Variants in KIAA1217 observed in about 807,000 individuals in gnomAD.
KIAA1217 encodes the protein KIAA1217.
A neutral mutation model predicts 163.9 loss-of-function variants in KIAA1217; 88 were observed. That is an observed-to-expected ratio of 0.54 (90% confidence interval 0.45 to 0.64). The LOEUF (loss-of-function observed/expected upper bound fraction) is 0.64. Among genes scored for constraint, KIAA1217 ranks in the 30% least tolerant of loss-of-function variants. The probability of loss-of-function intolerance (pLI) is 0.00; values close to 1 mark genes in which losing one functional copy is unlikely to be tolerated. For synonymous variants in KIAA1217, 903 were observed against 923.1 expected (o/e 0.98, Z 0.39); for missense variants, 2,372 against 2,475.0 (o/e 0.96, Z 0.88).
At chr10:24,262,487 C>A (rs1355707114) in intron 2 of KIAA1217, among the ~76,000 whole-genome samples, 3 of 151,980 alleles carry the variant, frequency 2.0e-5, no homozygotes, top group African/African-American at 7.2e-5. Flanking sequence ...ATTAGCCGGG[C>A]GAGGTGGCGG....
intron 3 of KIAA1217, 87 bp downstream of exon 3, chr10:24,381,154 C>A: frequency 1.0e-6 from 1 of 987,332 alleles, no homozygotes; most frequent in Non-Finnish European, 1.4e-6. Flanking sequence ...TTTCATTCAA[C>A]ATTAATTTGA....
chr10:24,386,484 AG>A (rs2054019751), intron 3 of KIAA1217, among the ~76,000 whole-genome samples: 1 of 152,226 alleles, frequency 6.6e-6, no homozygotes, highest in Non-Finnish European at 1.5e-5. Context: ...GAAAACAAAG[AG>A]GGGGCAACAA....
chr10:24,409,363 A>G (rs1200825499), intron 3 of KIAA1217, among the ~76,000 whole-genome samples: 1 of 152,238 alleles, frequency 6.6e-6, no homozygotes, highest in Non-Finnish European at 1.5e-5. Context: ...CCAAAAGAGT[A>G]TATACTGTCT....
intron 1 of KIAA1217, among the ~76,000 whole-genome samples, chr10:23,794,343 G>T (rs560652635): frequency 6.6e-6 from 1 of 152,242 alleles, no homozygotes. Flanking sequence ...TAATAACTTG[G>T]CTTGTGAGAT....
chr10:23,944,413 G>C (rs1367029904), intron 1 of KIAA1217, among the ~76,000 whole-genome samples: 1 of 151,720 alleles, frequency 6.6e-6, no homozygotes, highest in African/African-American at 2.4e-5. Context: ...AAAAGAGTGA[G>C]ACCCTGTCTC....
At chr10:24,469,538 G>A (rs1418231262) in intron 5 of KIAA1217, among the ~76,000 whole-genome samples, 1 of 152,170 alleles carries the variant, frequency 6.6e-6, no homozygotes, top group Non-Finnish European at 1.5e-5. Flanking sequence ...GGCTAAGGAA[G>A]GAAAAGAGAA....
At chr10:23,720,386 A>G (rs1837811700) in intron 1 of KIAA1217, among the ~76,000 whole-genome samples, 1 of 152,218 alleles carries the variant, frequency 6.6e-6, no homozygotes, top group Non-Finnish European at 1.5e-5. Context: ...AATAACAAGG[A>G]AATGTCTAAG....
In KIAA1217 at chr10:24,547,088, G is replaced by C. The variant is rs1367912033; in HGVS notation, c.*764G>C. On this transcript the variant is annotated 3_prime_UTR_variant, in exon 21 of 21. Coordinates refer to ENST00000376454, the MANE Select transcript of KIAA1217 (RefSeq NM_019590.5). ...TTTTTTTTTTCTTTTTTAACATGTT[G>C]AGATTCTCTAGTTGTTTTCTTTGGC... The C allele has an allele frequency of 1.5e-5, 1 of 64,900 alleles. No homozygotes were observed. Among genetic ancestry groups the C allele is most frequent in the Non-Finnish European group, 3.5e-5 (1 of 28,908 alleles). The allele number at this position is 64,900 out of a possible 1,614,324, so 4.0% of individuals were successfully genotyped here. A position where few individuals can be genotyped will look rare whatever the true frequency, so the allele number is the denominator to read the frequency against.
intron 1 of KIAA1217, among the ~76,000 whole-genome samples, chr10:23,751,064 G>T (rs1348578223): frequency 1.4e-5 from 2 of 145,802 alleles, no homozygotes; most frequent in Admixed American, 7.1e-5. Flanking sequence ...GCCTTGTTCT[G>T]TCACCCAGGA....
chr10:23,769,869 T>G (rs1053554321), intron 1 of KIAA1217, among the ~76,000 whole-genome samples: 1 of 152,216 alleles, frequency 6.6e-6, no homozygotes, highest in African/African-American at 2.4e-5. Context: ...GATTTTGCCT[T>G]AATGATCTGA....
At chr10:24,216,300 T>A (rs1365291501) in intron 1 of KIAA1217, among the ~76,000 whole-genome samples, 1 of 152,158 alleles carries the variant, frequency 6.6e-6, no homozygotes, top group African/African-American at 2.4e-5. Context: ...ATAGATCATA[T>A]GAGCCTGTGC....
At chr10:24,018,237 G>A (rs1847577575) in intron 2 of KIAA1217, among the ~76,000 whole-genome samples, 1 of 152,082 alleles carries the variant, frequency 6.6e-6, no homozygotes, top group South Asian at 2.1e-4. Context: ...CCACAAAGTG[G>A]AGAATTTCAG....
chr10:23,923,114 T>C (rs979342172), intron 1 of KIAA1217, among the ~76,000 whole-genome samples: 1 of 152,020 alleles, frequency 6.6e-6, no homozygotes, highest in African/African-American at 2.4e-5. Context: ...TCCCCCCGAG[T>C]CCCCAAAGTC....
chr10:24,046,605 T>C (rs1849045918), intron 2 of KIAA1217, among the ~76,000 whole-genome samples: 1 of 152,012 alleles, frequency 6.6e-6, no homozygotes, highest in South Asian at 2.1e-4. Flanking sequence ...TTTTAAACCA[T>C]CAAATCTCAT....
intron 2 of KIAA1217, among the ~76,000 whole-genome samples, chr10:24,319,188 G>T (rs1334245257): frequency 6.6e-6 from 1 of 152,092 alleles, no homozygotes; most frequent in Admixed American, 6.5e-5. Context: ...GACCAGTGTG[G>T]CCAACATGGC....
chr10:24,322,052 G>C (rs540293079), intron 2 of KIAA1217, among the ~76,000 whole-genome samples: 1 of 152,030 alleles, frequency 6.6e-6, no homozygotes, highest in Non-Finnish European at 1.5e-5. Context: ...AGGTTCACGC[G>C]ATTCTCCCAC....
intron 2 of KIAA1217, among the ~76,000 whole-genome samples, chr10:24,132,052 C>G (rs932857196): frequency 6.6e-6 from 1 of 152,188 alleles, no homozygotes; most frequent in Non-Finnish European, 1.5e-5. Context: ...ACCCAAGCTA[C>G]TTATAACATA....
chr10:23,979,393 TG>T (rs2131408922), intron 1 of KIAA1217, among the ~76,000 whole-genome samples: 1 of 152,286 alleles, frequency 6.6e-6, no homozygotes, highest in South Asian at 2.1e-4. Flanking sequence ...TATTTTAAGG[TG>T]GAGAAGTGTT....
chr10:24,050,740 T>C (rs1249014727), intron 2 of KIAA1217, among the ~76,000 whole-genome samples: 1 of 152,170 alleles, frequency 6.6e-6, no homozygotes. Flanking sequence ...ATTATCTCTC[T>C]TAAAATATCT....
Sources: allele counts gnomAD v4.1 joint callset (sites outside exome capture counted in the v4.1 genomes callset), GRCh38; gene constraint gnomAD v4.1.1; transcripts MANE v1.5; gene names NCBI Gene and HGNC (gene_info 2026-07-23, HGNC 2026-07-21).